CSNK1G1: variants seen among roughly 807,000 people sequenced by gnomAD.
The protein encoded by CSNK1G1 is casein kinase I isoform gamma-1.
A neutral mutation model predicts 59.6 loss-of-function variants in CSNK1G1; 22 were observed. The ratio of observed to expected loss-of-function variants is 0.37; its 90% confidence interval spans 0.26 to 0.53. The LOEUF is 0.53. Among genes scored for constraint, CSNK1G1 ranks in the 20% least tolerant of loss-of-function variants. The pLI is 0.89. For synonymous variants in CSNK1G1, 179 were observed against 177.1 expected (o/e 1.01, Z -0.08); for missense variants, 384 against 519.5 (o/e 0.74, Z 2.54).
At chr15:64,349,459 A>C (rs1898163238) in intron 1 of CSNK1G1, among the ~76,000 whole-genome samples, 1 of 152,166 alleles carries the variant, frequency 6.6e-6, no homozygotes, top group East Asian at 1.9e-4. Flanking sequence ...AAATTATTAA[A>C]GAATAATTCC....
chr15:64,304,383 CAAAAAAAAAAA>C (rs3057017), intron 1 of CSNK1G1, among the ~76,000 whole-genome samples: 4 of 70,732 alleles, frequency 5.7e-5, no homozygotes, highest in Non-Finnish European at 8.2e-5. Context: ...AACTCCACCT[CAAAAAAAAAAA>C]AAAAAAAAAA....
intron 1 of CSNK1G1, among the ~76,000 whole-genome samples, chr15:64,353,899 T>C (rs1204600640): frequency 6.6e-6 from 1 of 152,196 alleles, no homozygotes; most frequent in Admixed American, 6.6e-5. Context: ...TAAGGAATGA[T>C]TTAAAGGCAG....
chr15:64,300,500 G>A lies in CSNK1G1; in HGVS notation c.-1C>T, dbSNP rs1373116823. On this transcript the variant is annotated 5_prime_UTR_variant, in exon 2 of 12. Coordinates refer to ENST00000303052, the MANE Select transcript of CSNK1G1 (RefSeq NM_022048.5). ...CCTTTTCCCTACTAGGATGGTCCAT[G>A]ATCCTACAGGACAGAGTCTCCTATA... 2 of 1,613,738 alleles carry A rather than the reference G, an allele frequency of 1.2e-6. No homozygotes were observed. Among genetic ancestry groups the A allele is most frequent in the African/African-American group, 1.3e-5 (1 of 74,906 alleles).
In CSNK1G1 at chr15:64,214,371, A is replaced by G. The variant is rs1042697154; in HGVS notation, c.445-247T>C. ...ACAGGTCTGCTAAAATGATAGCTCA[A>G]TTTTACCTCATAATGTCACAATTTG... On this transcript the variant is annotated intron_variant, in intron 5 of 11. Coordinates refer to ENST00000303052, the MANE Select transcript of CSNK1G1 (RefSeq NM_022048.5). The surrounding 1 kb of genome is among the most constrained non-coding windows in gnomAD (Gnocchi z 4.3). 3.9e-5 allele frequency among the ~76,000 whole-genome samples: 6 copies of G among 152,236 alleles called. No homozygotes were observed. The highest frequency in any genetic ancestry group is 7.3e-5 in the Non-Finnish European group (5 of 68,048).
chr15:64,194,463 T>TAAC (rs2082012654), intron 10 of CSNK1G1, among the ~76,000 whole-genome samples: 2 of 151,344 alleles, frequency 1.3e-5, no homozygotes, highest in African/African-American at 2.4e-5. Context: ...TCACTAAGCA[T>TAAC]AACAGCACAA....
intron 1 of CSNK1G1, among the ~76,000 whole-genome samples, chr15:64,326,951 T>C (rs1445048980): frequency 3.3e-5 from 5 of 149,884 alleles, no homozygotes; most frequent in East Asian, 2.0e-4. Context: ...CACCCGAATA[T>C]TGCGCTTTTC....
intron 1 of CSNK1G1, among the ~76,000 whole-genome samples, chr15:64,308,104 T>C (rs1895785289): frequency 6.6e-6 from 1 of 152,164 alleles, no homozygotes; most frequent in Admixed American, 6.5e-5. Flanking sequence ...TATTTCCTTA[T>C]AACGTTGATC....
intron 2 of CSNK1G1, among the ~76,000 whole-genome samples, chr15:64,283,781 C>T (rs1777874263): frequency 6.6e-6 from 1 of 152,210 alleles, no homozygotes; most frequent in African/African-American, 2.4e-5. Flanking sequence ...CTGCACCTAG[C>T]CAACTTTTAA....
intron 2 of CSNK1G1, among the ~76,000 whole-genome samples, chr15:64,269,953 G>A (rs1033758306): frequency 4.0e-5 from 6 of 151,852 alleles, no homozygotes; most frequent in African/African-American, 7.3e-5. Flanking sequence ...ACAGGTGCAC[G>A]CCACCAGACC....
intron 1 of CSNK1G1, among the ~76,000 whole-genome samples, chr15:64,334,854 T>A (rs191879991): frequency 6.6e-6 from 1 of 152,378 alleles, no homozygotes; most frequent in East Asian, 1.9e-4. Context: ...ACTACTGGTC[T>A]GTGGCCCAGA....
chr15:64,307,398 G>A (rs1393328216), intron 1 of CSNK1G1, among the ~76,000 whole-genome samples: 1 of 152,096 alleles, frequency 6.6e-6, no homozygotes, highest in African/African-American at 2.4e-5. Flanking sequence ...TACAAAACCT[G>A]TACAAAAATC....
At chr15:64,246,457 A>AT (rs1891759986) in intron 4 of CSNK1G1, among the ~76,000 whole-genome samples, 1 of 152,060 alleles carries the variant, frequency 6.6e-6, no homozygotes, top group East Asian at 1.9e-4. Flanking sequence ...CTCCATCCCT[A>AT]CAAAAAACTA....
At chr15:64,347,300 A>G (rs1254123316) in intron 1 of CSNK1G1, among the ~76,000 whole-genome samples, 2 of 152,206 alleles carry the variant, frequency 1.3e-5, no homozygotes, top group African/African-American at 2.4e-5. Context: ...CTGGGTATTT[A>G]CTCAAAAGAG....
chr15:64,224,046 G>C (rs143790532), intron 4 of CSNK1G1, among the ~76,000 whole-genome samples: 248 of 152,182 alleles, frequency 1.6e-3, no homozygotes, highest in African/African-American at 5.7e-3. Flanking sequence ...CACCTCAAAG[G>C]TTTTGGTAAT....
At chr15:64,217,921 A>G (rs1005141167) in intron 4 of CSNK1G1, among the ~76,000 whole-genome samples, 6 of 151,920 alleles carry the variant, frequency 3.9e-5, no homozygotes, top group African/African-American at 1.5e-4. Flanking sequence ...CTACAGTTGC[A>G]TATGTTGTAG....
At chr15:64,179,207 C>T (rs2081778923) in intron 11 of CSNK1G1, among the ~76,000 whole-genome samples, 1 of 152,074 alleles carries the variant, frequency 6.6e-6, no homozygotes, top group Admixed American at 6.5e-5. Flanking sequence ...GATCGTGCCA[C>T]TGCACTCCAG....
chr15:64,323,079 T>C (rs1896650130), intron 1 of CSNK1G1, among the ~76,000 whole-genome samples: 2 of 152,056 alleles, frequency 1.3e-5, no homozygotes, highest in African/African-American at 2.4e-5. Context: ...CACGCCACTA[T>C]GCTGGGCTAA....
intron 2 of CSNK1G1, among the ~76,000 whole-genome samples, chr15:64,293,033 G>A (rs1425294453): frequency 6.6e-6 from 1 of 152,100 alleles, no homozygotes; most frequent in Non-Finnish European, 1.5e-5. Flanking sequence ...TAACTCTAGA[G>A]GAAAATAATT....
At position 64,181,134 on chromosome 15, in the gene CSNK1G1, G is replaced by A. The variant is rs1017356140; in HGVS notation, c.1108-680C>T. The A allele has an allele frequency of 2.7e-5, 40 of 1,456,926 alleles. No homozygotes were observed. In the African/African-American group the frequency reaches 3.4e-4, roughly 12 times the overall value. The allele number at this position is 1,456,926 out of a possible 1,614,324, so 90.2% of individuals were successfully genotyped here. A position where few individuals can be genotyped will look rare whatever the true frequency, so the allele number is the denominator to read the frequency against. On this transcript the variant is annotated intron_variant, in intron 10 of 11. Transcript: ENST00000303052. ...ATAACAAGATTGTCACATCCTCTCC[G>A]ACAAGAGGGAAGATGGTAAAAAAAC... is the stretch of plus-strand genomic sequence containing the variant.
Sources: allele counts gnomAD v4.1 joint callset (sites outside exome capture counted in the v4.1 genomes callset), GRCh38; gene constraint gnomAD v4.1.1; non-coding constraint Gnocchi (gnomAD v3.1); transcripts MANE v1.5; gene names NCBI Gene and HGNC (gene_info 2026-07-23, HGNC 2026-07-21).